The following DPP6 variants were observed in gnomAD, a reference collection of about 807,000 sequenced individuals.
The protein encoded by DPP6 is A-type potassium channel modulatory protein DPP6.
A neutral mutation model predicts 122.6 loss-of-function variants in DPP6; 69 were observed. The observed-to-expected ratio is 0.56, with a 90% confidence interval of 0.46 to 0.69. The LOEUF (loss-of-function observed/expected upper bound fraction) is 0.69. DPP6 is among the 30% of genes least tolerant of loss of function. The probability of loss-of-function intolerance (pLI) is 0.00; values close to 1 mark genes in which losing one functional copy is unlikely to be tolerated. For synonymous variants in DPP6, 418 were observed against 433.1 expected (o/e 0.97, Z 0.43); for missense variants, 928 against 1,116.9 (o/e 0.83, Z 2.41).
chr7:153,894,109 TAA>T (rs993149568), intron 1 of DPP6, among the ~76,000 whole-genome samples: 61 of 152,204 alleles, frequency 4.0e-4, no homozygotes, highest in African/African-American at 1.4e-3. Context: ...GAAAATGGAG[TAA>T]AGACTACAGA....
chr7:154,661,649 G>C (rs1837665616), intron 6 of DPP6, among the ~76,000 whole-genome samples: 2 of 149,702 alleles, frequency 1.3e-5, no homozygotes, highest in Admixed American at 6.6e-5. Context: ...TATTCATATA[G>C]TCATGGTGAA....
intron 11 of DPP6, among the ~76,000 whole-genome samples, 154 bp from the exon 12 acceptor site, chr7:154,795,689 CAG>C (rs1798000229): frequency 6.6e-6 from 1 of 151,962 alleles, no homozygotes; most frequent in East Asian, 1.9e-4. Context: ...TGCCTCCTCC[CAG>C]AGCTGCCGTG....
At chr7:154,542,803 A>G (rs1042143897) in intron 4 of DPP6, among the ~76,000 whole-genome samples, 22 of 152,348 alleles carry the variant, frequency 1.4e-4, no homozygotes, top group African/African-American at 5.3e-4. Context: ...AAGACAAAAA[A>G]TGTCATTTAG....
At chr7:153,924,968 C>T (rs966401004) in intron 1 of DPP6, among the ~76,000 whole-genome samples, 5 of 152,150 alleles carry the variant, frequency 3.3e-5, no homozygotes, top group Admixed American at 6.5e-5. Context: ...TCAGTGTCAC[C>T]TACCTAGCTA....
intron 10 of DPP6, 22 bp downstream of exon 10, chr7:154,772,964 TA>T (rs1796335091): frequency 1.4e-6 from 2 of 1,400,806 alleles, no homozygotes; most frequent in Non-Finnish European, 1.9e-6. Flanking sequence ...TCTATTATGT[TA>T]CCAAAAAAAA....
At chr7:153,869,147 T>A in the DPP6 span, among the ~76,000 whole-genome samples, 1 of 152,118 alleles carries the variant, frequency 6.6e-6, no homozygotes, top group Non-Finnish European at 1.5e-5. Flanking sequence ...GGGTGGAGAG[T>A]TCTGTAGATG....
intron 1 of DPP6, among the ~76,000 whole-genome samples, chr7:153,991,118 G>C (rs1307624213): frequency 2.8e-4 from 43 of 152,054 alleles, no homozygotes; most frequent in African/African-American, 1.0e-3. Context: ...GTAAAGGCCA[G>C]GAGACTGTGG....
At chr7:154,392,072 G>A (rs1037579874) in intron 1 of DPP6, among the ~76,000 whole-genome samples, 1 of 152,132 alleles carries the variant, frequency 6.6e-6, no homozygotes, top group Non-Finnish European at 1.5e-5. Flanking sequence ...TCAGGAGTTC[G>A]AGACCAGCCT....
chr7:154,745,887 C>T (rs762400225), intron 8 of DPP6, among the ~76,000 whole-genome samples: 18 of 152,184 alleles, frequency 1.2e-4, no homozygotes, highest in African/African-American at 1.9e-4. Context: ...ACCCCACCTC[C>T]CATGACCCAC....
rs558232992 is a variant in DPP6 at position 154,854,787 on chromosome 7, G to A, written c.1714+960G>A. Among the ~76,000 whole-genome samples, 103 of 152,084 alleles carry A rather than the reference G, an allele frequency of 6.8e-4. 1 individual carries two copies. The highest frequency in any genetic ancestry group is 2.9e-5 in the Non-Finnish European group (2 of 67,962). On this transcript the variant is annotated intron_variant, in intron 17 of 25. Coordinates refer to ENST00000377770, the MANE Select transcript of DPP6 (RefSeq NM_130797.4). Reference sequence around the variant, plus strand: ...TTTACGCGAGGGATGTGTGCTGTGTGCAGTGGGAGGCAGAGGCACAGCACA... The same window carrying A: ...TTTACGCGAGGGATGTGTGCTGTGTACAGTGGGAGGCAGAGGCACAGCACA...
chr7:154,649,983 C>T (rs905128656), intron 6 of DPP6, among the ~76,000 whole-genome samples: 1 of 152,066 alleles, frequency 6.6e-6, no homozygotes, highest in Admixed American at 6.6e-5. Context: ...ATAACTGCCC[C>T]TCTTGGTAGT....
chr7:153,822,753 T>A, the DPP6 span, among the ~76,000 whole-genome samples: 1 of 152,250 alleles, frequency 6.6e-6, no homozygotes, highest in South Asian at 2.1e-4. Context: ...TGCATTTAGC[T>A]GATCTAACAA....
At chr7:153,986,363 G>C (rs900905866) in intron 1 of DPP6, among the ~76,000 whole-genome samples, 1 of 151,322 alleles carries the variant, frequency 6.6e-6, no homozygotes, top group Middle Eastern at 3.4e-3. Flanking sequence ...AACTCCTACC[G>C]AGACCTGTTC....
intron 1 of DPP6, among the ~76,000 whole-genome samples, chr7:154,129,899 C>T (rs74350161): frequency 9.2e-6 from 1 of 108,340 alleles, no homozygotes; most frequent in Non-Finnish European, 1.9e-5. Context: ...GACTCTGTCT[C>T]AAAAAAAAAA....
At chr7:153,947,646 T>A (rs1423829349) in intron 1 of DPP6, among the ~76,000 whole-genome samples, 1 of 152,182 alleles carries the variant, frequency 6.6e-6, no homozygotes, top group Non-Finnish European at 1.5e-5. Flanking sequence ...CAGCGCTTTC[T>A]GTAGTATGCT....
At chr7:153,784,786 A>G in the DPP6 span, among the ~76,000 whole-genome samples, 1 of 152,338 alleles carries the variant, frequency 6.6e-6, no homozygotes, top group South Asian at 2.1e-4. Flanking sequence ...TATGGGCAAC[A>G]GACAGGTAGG....
intron 9 of DPP6, among the ~76,000 whole-genome samples, chr7:154,770,142 A>T (rs1442924139): frequency 1.3e-5 from 2 of 152,156 alleles, no homozygotes; most frequent in African/African-American, 4.8e-5. Flanking sequence ...GTCTATTTTC[A>T]TGCTGCTGAT....
At chr7:153,866,295 T>C in the DPP6 span, among the ~76,000 whole-genome samples, 198 of 152,218 alleles carry the variant, frequency 1.3e-3, 3 homozygotes, top group African/African-American at 4.2e-3. Flanking sequence ...CCTATTTCTC[T>C]ACATCCTCTC....
At chr7:154,467,239 T>C (rs1821864070) in intron 2 of DPP6, among the ~76,000 whole-genome samples, 1 of 152,204 alleles carries the variant, frequency 6.6e-6, no homozygotes, top group African/African-American at 2.4e-5. Context: ...AGTAGTTTTA[T>C]AAGCATGTTT....
Sources: gnomAD v4.1 joint callset for allele counts (sites outside exome capture counted in the v4.1 genomes callset) on GRCh38, gnomAD v4.1.1 for gene constraint, MANE v1.5 for transcripts, NCBI Gene and HGNC (gene_info 2026-07-23, HGNC 2026-07-21) for gene names.